Variants in SLC36A1 observed in about 807,000 individuals in gnomAD.
SLC36A1 encodes proton-coupled amino acid transporter 1.
A neutral mutation model predicts 47.5 loss-of-function variants in SLC36A1; 30 were observed. The observed-to-expected ratio is 0.63, with a 90% confidence interval of 0.47 to 0.86. The LOEUF is 0.86. SLC36A1 is among the 40% of genes least tolerant of loss of function. The probability of loss-of-function intolerance (pLI) is 0.00; values close to 1 mark genes in which losing one functional copy is unlikely to be tolerated. For synonymous variants in SLC36A1, 255 were observed against 249.7 expected (o/e 1.02, Z -0.20); for missense variants, 517 against 606.0 (o/e 0.85, Z 1.54).
the SLC36A1 span, among the ~76,000 whole-genome samples, chr5:151,547,050 T>G: frequency 6.6e-6 from 1 of 152,242 alleles, no homozygotes; most frequent in South Asian, 2.1e-4. Flanking sequence ...TACACTATTA[T>G]TTAATTGATG....
chr5:151,512,717 G>T, the SLC36A1 span: 2 of 998,428 alleles, frequency 2.0e-6, no homozygotes, highest in Admixed American at 2.7e-5. The surrounding 1 kb of genome is among the most constrained non-coding windows in gnomAD (Gnocchi z 4.1). Flanking sequence ...TAGGAGGGGG[G>T]TGTTTGGCTG....
intron 7 of SLC36A1, among the ~76,000 whole-genome samples, chr5:151,471,482 G>T (rs1561765915): frequency 6.6e-6 from 1 of 152,182 alleles, no homozygotes; most frequent in Non-Finnish European, 1.5e-5. Context: ...CTGATCTGAT[G>T]TATGAATAAG....
intron 2 of SLC36A1, among the ~76,000 whole-genome samples, chr5:151,459,144 T>C (rs868400416): frequency 5.3e-5 from 8 of 152,306 alleles, no homozygotes; most frequent in Middle Eastern, 3.4e-3. Flanking sequence ...TTCAGCTGTG[T>C]TGGCCCCCCA....
chr5:151,355,620 T>G, the SLC36A1 span, among the ~76,000 whole-genome samples: 3 of 152,150 alleles, frequency 2.0e-5, no homozygotes, highest in Admixed American at 2.0e-4. Flanking sequence ...CCTAATTCTA[T>G]TGAGTGGAAT....
chr5:151,496,689 G>A (rs1266936227), downstream of SLC36A1, among the ~76,000 whole-genome samples: 1 of 152,172 alleles, frequency 6.6e-6, no homozygotes, highest in Admixed American at 6.5e-5. Flanking sequence ...TCGAGTAGCT[G>A]GGACTACAGG....
intron 10 of SLC36A1, among the ~76,000 whole-genome samples, chr5:151,481,451 C>G (rs1758790833): frequency 6.6e-6 from 1 of 152,182 alleles, no homozygotes; most frequent in Non-Finnish European, 1.5e-5. Context: ...CTTCTCTGTT[C>G]TTTCAGATCT....
At chr5:151,401,743 C>A in the SLC36A1 span, among the ~76,000 whole-genome samples, 2 of 152,040 alleles carry the variant, frequency 1.3e-5, no homozygotes, top group Non-Finnish European at 2.9e-5. Flanking sequence ...TTAGTTAGAT[C>A]TATTCCTAGG....
the SLC36A1 span, among the ~76,000 whole-genome samples, chr5:151,541,206 C>T: frequency 2.6e-5 from 4 of 152,200 alleles, no homozygotes; most frequent in African/African-American, 9.7e-5. Flanking sequence ...TCTGTAGGAG[C>T]ACTAGGGTTT....
intron 4 of SLC36A1, 77 bp downstream of exon 4, chr5:151,464,679 T>C (rs1561750733): frequency 1.7e-6 from 2 of 1,185,438 alleles, no homozygotes; most frequent in African/African-American, 3.0e-5. Flanking sequence ...AAATGAGCAC[T>C]GATGCAGACC....
intron 9 of SLC36A1, 147 bp from the exon 10 acceptor site, chr5:151,479,173 T>C: frequency 1.4e-6 from 1 of 727,168 alleles, no homozygotes; most frequent in Admixed American, 2.5e-5. Context: ...GGTAAATTTC[T>C]AGACATGAAA....
the SLC36A1 span, among the ~76,000 whole-genome samples, chr5:151,408,269 A>G: frequency 6.6e-6 from 1 of 152,094 alleles, no homozygotes; most frequent in South Asian, 2.1e-4. Context: ...ACTCACTGCA[A>G]CTTCTGCCTC....
the SLC36A1 span, among the ~76,000 whole-genome samples, chr5:151,415,965 G>C: frequency 6.6e-6 from 1 of 152,156 alleles, no homozygotes; most frequent in Non-Finnish European, 1.5e-5. Flanking sequence ...AAATTAGCCA[G>C]GTGTGGTGGT....
chr5:151,496,470 C>T (rs1760346099), downstream of SLC36A1, among the ~76,000 whole-genome samples: 1 of 152,214 alleles, frequency 6.6e-6, no homozygotes, highest in South Asian at 2.1e-4. Context: ...AGAGTGACTA[C>T]CATTTTGCTA....
the SLC36A1 span, chr5:151,504,114 A>ATTGT: frequency 6.8e-6 from 1 of 147,562 alleles, no homozygotes; most frequent in Non-Finnish European, 1.5e-5. Flanking sequence ...AAGATACTTT[A>ATTGT]TTGTTAAAAA....
chr5:151,426,073 G>A, the SLC36A1 span, among the ~76,000 whole-genome samples: 1 of 151,954 alleles, frequency 6.6e-6, no homozygotes, highest in Non-Finnish European at 1.5e-5. Context: ...TTTTTTTAAG[G>A]AGGGATGTTG....
At chr5:151,544,698 G>A in the SLC36A1 span, 5 of 1,614,040 alleles carry the variant, frequency 3.1e-6, no homozygotes, top group South Asian at 5.5e-5. Flanking sequence ...CCCGAGCAAT[G>A]ACTTTGAGGT....
upstream of SLC36A1, among the ~76,000 whole-genome samples, chr5:151,445,168 T>C (rs1051751227): frequency 2.0e-5 from 3 of 152,282 alleles, no homozygotes; most frequent in African/African-American, 7.2e-5. Flanking sequence ...GAAGGTATGT[T>C]GGGGTGGGGG....
chr5:151,449,353 T>C (rs894839693), intron 1 of SLC36A1, among the ~76,000 whole-genome samples: 11 of 152,354 alleles, frequency 7.2e-5, no homozygotes, highest in Admixed American at 3.3e-4. Flanking sequence ...AGAACATGTT[T>C]TCGTTAAAAA....
chr5:151,469,259 A>T, intron 7 of SLC36A1: 1 of 701,292 alleles, frequency 1.4e-6, no homozygotes, highest in Non-Finnish European at 2.6e-6. Flanking sequence ...CTGTGAATGG[A>T]TTTACAGCCC....
Sources: allele counts gnomAD v4.1 joint callset (sites outside exome capture counted in the v4.1 genomes callset), GRCh38; gene constraint gnomAD v4.1.1; non-coding constraint Gnocchi (gnomAD v3.1); transcripts MANE v1.5; gene names NCBI Gene and HGNC (gene_info 2026-07-23, HGNC 2026-07-21).